SGSM3: variants seen among roughly 807,000 people sequenced by gnomAD.
SGSM3 encodes RUN and SH3 containing 3.
SGSM3 carries 96 observed loss-of-function variants against 100.5 expected under a neutral mutation model. That is an observed-to-expected ratio of 0.96 (90% CI 0.81 to 1.13). SGSM3 has a LOEUF of 1.13. SGSM3 is among the 50% of genes most tolerant of loss of function. The probability of loss-of-function intolerance (pLI) is 0.00; values close to 1 mark genes in which losing one functional copy is unlikely to be tolerated. For synonymous variants in SGSM3, 483 were observed against 422.8 expected, an observed-to-expected ratio of 1.14 and a Z score of -1.75; for missense variants, 1,001 against 1,015.8, an observed-to-expected ratio of 0.99 and a Z score of 0.20.
At chr22:40,372,381 TC>T (rs912313534) in intron 1 of SGSM3, among the ~76,000 whole-genome samples, 2 of 152,060 alleles carry the variant, frequency 1.3e-5, no homozygotes, top group African/African-American at 4.8e-5. Flanking sequence ...CGCCTCGGCC[TC>T]CCAAAGTGCT....
At chr22:40,395,163 T>A (rs2049885469) in intron 1 of SGSM3, among the ~76,000 whole-genome samples, 1 of 152,166 alleles carries the variant, frequency 6.6e-6, no homozygotes, top group Non-Finnish European at 1.5e-5. Flanking sequence ...GATATAGTAG[T>A]TGCAAAAAAT....
intron 16 of SGSM3, 30 bp from the exon 17 acceptor site, chr22:40,408,597 C>G: frequency 6.2e-7 from 1 of 1,613,038 alleles, no homozygotes; most frequent in Non-Finnish European, 8.5e-7. Context: ...CTTCCTGTCC[C>G]TGCACTCACA....
chr22:40,409,589 C>T (rs767350987), intron 21 of SGSM3, 64 bp downstream of exon 21: 6 of 1,613,262 alleles, frequency 3.7e-6, no homozygotes, highest in South Asian at 1.1e-5. Context: ...CGCGGGGTGG[C>T]TAAGGTGGGA....
intron 1 of SGSM3, among the ~76,000 whole-genome samples, chr22:40,389,450 T>A (rs906924548): frequency 2.7e-5 from 4 of 147,650 alleles, no homozygotes; most frequent in Non-Finnish European, 4.5e-5. Context: ...ATACAAAAAA[T>A]TAGCCGGGCG....
At chr22:40,393,032 G>T (rs988341285) in intron 1 of SGSM3, among the ~76,000 whole-genome samples, 4 of 152,178 alleles carry the variant, frequency 2.6e-5, no homozygotes, top group Non-Finnish European at 5.9e-5. Context: ...TTTTATGGAT[G>T]AATAATATAG....
rs1266530702 is a variant in SGSM3 at position 40,407,509 on chromosome 22, C to T, written c.1465C>T (p.Leu489=). ...RSHRRRAKAL[L]DFERHDDDEL... is the part of the protein sequence containing the mutation. Reference sequence around the variant, plus strand: ...CCACCGGCGCCGAGCCAAGGCCCTGCTGGACTTTGAGCGGCACGACGACGA... The same window carrying T: ...CCACCGGCGCCGAGCCAAGGCCCTGTTGGACTTTGAGCGGCACGACGACGA... Residue 489 remains leucine, a synonymous_variant, in exon 13 of 22, where the codon CTG becomes TTG. Transcript: ENST00000248929. This position sits in a 1 kb window ranked among gnomAD's most constrained non-coding sequence, Gnocchi z 4.7. The T allele has an allele frequency of 3.1e-6, 5 of 1,610,300 alleles. No homozygotes were observed. Among genetic ancestry groups the T allele is most frequent in the Non-Finnish European group, 4.2e-6 (5 of 1,179,990 alleles).
At position 40,407,894 on chromosome 22, in the gene SGSM3, A is replaced by C; in HGVS notation, c.1579+51A>C. The C allele has an allele frequency of 2.6e-6, 4 of 1,554,438 alleles. No homozygotes were observed. The South Asian group carries it at 3.5e-5, about 14-fold the overall frequency. ...CTGGGAGAGGGAGGAGGGGGTGGGCACAGAAGACTTGGGTGACCCTGGCCG... is the reference window on the plus strand; with the variant it reads ...CTGGGAGAGGGAGGAGGGGGTGGGCCCAGAAGACTTGGGTGACCCTGGCCG... On this transcript the variant is annotated intron_variant, in intron 14 of 21. Coordinates refer to ENST00000248929, the MANE Select transcript of SGSM3 (RefSeq NM_015705.6). The surrounding 1 kb of genome is among the most constrained non-coding windows in gnomAD (Gnocchi z 4.7).
intron 21 of SGSM3, 57 bp downstream of exon 21, chr22:40,409,582 G>T (rs555366829): frequency 3.7e-6 from 6 of 1,613,184 alleles, no homozygotes; most frequent in Admixed American, 3.3e-5. Flanking sequence ...AACCGTTCGC[G>T]GGGTGGCTAA....
intron 1 of SGSM3, among the ~76,000 whole-genome samples, chr22:40,377,813 G>A (rs957423240): frequency 6.1e-5 from 9 of 148,668 alleles, no homozygotes; most frequent in African/African-American, 2.0e-4. Context: ...GCCACTGTAC[G>A]CCAGCCTGGG....
Position 40,400,800 on chromosome 22 carries a change from C to T in SGSM3, c.-7C>T. On this transcript the variant is annotated 5_prime_UTR_variant, in exon 2 of 22. Coordinates refer to ENST00000248929, the MANE Select transcript of SGSM3 (RefSeq NM_015705.6). Reference sequence around the variant, plus strand: ...AGCTGCAGAAGACTTGCCAGCCCACCAGCACAATGTCAGGTAGAGGCAGGG... The same window carrying T: ...AGCTGCAGAAGACTTGCCAGCCCACTAGCACAATGTCAGGTAGAGGCAGGG... 6.5e-7 allele frequency: 1 copy of T among 1,549,288 alleles called. No homozygotes were observed.
chr22:40,404,116 A>G, intron 4 of SGSM3, 131 bp from the exon 5 acceptor site: 2 of 672,646 alleles, frequency 3.0e-6, no homozygotes, highest in South Asian at 5.9e-5. Context: ...AGCTATGGGA[A>G]TCTGGATATG....
chr22:40,374,251 C>A (rs2046145717), intron 1 of SGSM3, among the ~76,000 whole-genome samples: 1 of 152,150 alleles, frequency 6.6e-6, no homozygotes, highest in Non-Finnish European at 1.5e-5. Context: ...CGTGCCCAGC[C>A]AATAGGGCGG....
At chr22:40,389,600 GAAAAAAA>G (rs71326802) in intron 1 of SGSM3, among the ~76,000 whole-genome samples, 3,825 of 33,484 alleles carry the variant, frequency 0.11, 106 homozygotes, top group Non-Finnish European at 0.16. Context: ...CTCCGTCTCA[GAAAAAAA>G]AAAAAAAAAA....
chr22:40,405,255 G>T lies in SGSM3; in HGVS notation c.589G>T (p.Glu197Ter). The T allele has an allele frequency of 6.5e-7, 1 of 1,536,262 alleles. No homozygotes were observed. The highest frequency in any genetic ancestry group is 8.8e-7 in the Non-Finnish European group (1 of 1,140,524). The stretch of plus-strand genomic sequence containing the variant: ...CCGGGCCCTGGCCTGGCTCTACCCA[G>T]AGATCGGCTACTGCCAGGGCACCGG... ...VLRALAWLYP[E>*]IGYCQGTGMV... The change falls in exon 7 of 22, where the codon GAG (glutamate) becomes TAG (stop). Residue 197 changes from glutamate (E) to a stop codon, truncating the protein, a stop_gained. Coordinates refer to ENST00000248929, the MANE Select transcript of SGSM3 (RefSeq NM_015705.6). LOFTEE classifies it high-confidence loss of function.
At chr22:40,395,384 C>T (rs1191305181) in intron 1 of SGSM3, among the ~76,000 whole-genome samples, 4 of 151,554 alleles carry the variant, frequency 2.6e-5, no homozygotes, top group Non-Finnish European at 4.4e-5. Flanking sequence ...TGCAGTGGCA[C>T]GATCTCAGCT....
intron 1 of SGSM3, among the ~76,000 whole-genome samples, chr22:40,388,688 A>G (rs1041602283): frequency 1.3e-5 from 2 of 152,190 alleles, no homozygotes; most frequent in African/African-American, 4.8e-5. Flanking sequence ...TGAGAGATGT[A>G]TAATAATCAT....
intron 1 of SGSM3, among the ~76,000 whole-genome samples, chr22:40,393,264 C>T (rs746354749): frequency 2.6e-5 from 4 of 152,174 alleles, no homozygotes; most frequent in Non-Finnish European, 5.9e-5. Context: ...CTAAGAGGCG[C>T]GTGCCACCAC....
intron 1 of SGSM3, among the ~76,000 whole-genome samples, chr22:40,395,747 C>T (rs1045901586): frequency 2.6e-5 from 4 of 152,228 alleles, no homozygotes; most frequent in African/African-American, 9.6e-5. Flanking sequence ...CTAGGCCTTG[C>T]CTGTGGCCAC....
At chr22:40,405,335 AC>A in intron 7 of SGSM3, 51 bp downstream of exon 7, 1 of 1,430,418 alleles carries the variant, frequency 7.0e-7, no homozygotes, top group Non-Finnish European at 9.2e-7. Flanking sequence ...CCCCTCCAGG[AC>A]CCTAACAAGG....
Sources: gnomAD v4.1 joint callset for allele counts (sites outside exome capture counted in the v4.1 genomes callset) on GRCh38, gnomAD v4.1.1 for gene constraint, Gnocchi (gnomAD v3.1) non-coding constraint, MANE v1.5 for transcripts, NCBI Gene and HGNC (gene_info 2026-07-23, HGNC 2026-07-21) for gene names.